The following NBEAL2 variants were observed in gnomAD, a reference collection of about 807,000 sequenced individuals.
The protein encoded by NBEAL2 is neurobeachin like 2, also known as neurobeachin-like protein 2.
Under a neutral mutation model 299.8 loss-of-function variants are expected in NBEAL2, and 160 were observed. The ratio of observed to expected loss-of-function variants is 0.53; its 90% CI spans 0.47 to 0.61. The LOEUF is 0.61. NBEAL2 is among the 20% of genes least tolerant of loss of function. NBEAL2 has a pLI of 0.00. For synonymous variants in NBEAL2, 1,493 were observed against 1,542.3 expected, an observed-to-expected ratio of 0.97 and a Z score of 0.75; for missense variants, 3,112 against 3,649.0, an observed-to-expected ratio of 0.85 and a Z score of 3.79.
In NBEAL2 at chr3:47,007,355, G is replaced by C. The variant is rs1177854166; in HGVS notation, c.7334+5G>C. 1 of 1,599,900 alleles carries C rather than the reference G, an allele frequency of 6.3e-7. No homozygotes were observed. The highest frequency in any genetic ancestry group is 8.5e-7 in the Non-Finnish European group (1 of 1,173,200). On this transcript the variant is annotated splice_donor_5th_base_variant and intron_variant, in intron 47 of 53. Transcript: ENST00000450053. Reference sequence around the variant, plus strand: ...CCCCACCATGGGCAGCCACAAGTAGGACAGAGGGCTGTGGGTGGGGTGGGC... The same window carrying C: ...CCCCACCATGGGCAGCCACAAGTAGCACAGAGGGCTGTGGGTGGGGTGGGC...
Position 47,001,582 on chromosome 3 carries a change from G to A in NBEAL2, c.4645-107G>A, listed in dbSNP as rs1210424976. ...TGCCTGTGAGTGTGGACTTGCCTGT[G>A]TGCACAAACCCTACCTGGCCCCCAG... On this transcript the variant is annotated intron_variant, in intron 29 of 53. Coordinates refer to ENST00000450053, the MANE Select transcript of NBEAL2 (RefSeq NM_015175.3). The surrounding 1 kb of genome is among the most constrained non-coding windows in gnomAD (Gnocchi z 6.1). 1.3e-6 allele frequency: 2 copies of A among 1,570,452 alleles called. No individual in the cohort carries two copies. The highest frequency in any genetic ancestry group is 1.7e-6 in the Non-Finnish European group (2 of 1,156,720).
At chr3:46,996,627 G>A in intron 16 of NBEAL2, 35 bp downstream of exon 16, 2 of 1,456,914 alleles carry the variant, frequency 1.4e-6, no homozygotes, top group Middle Eastern at 3.6e-4. Flanking sequence ...CACAGCCCCA[G>A]GCCAGAAGCT....
chr3:46,984,748 C>T (rs2035578975), intron 1 of NBEAL2, among the ~76,000 whole-genome samples: 1 of 152,114 alleles, frequency 6.6e-6, no homozygotes, highest in African/African-American at 2.4e-5. Context: ...TTGAGCTGTG[C>T]TCTTCTCTCC....
At position 47,003,054 on chromosome 3, in the gene NBEAL2, G is replaced by A. The variant is rs2037151662; in HGVS notation, c.5557G>A (p.Glu1853Lys). 6.2e-7 allele frequency: 1 copy of A among 1,612,700 alleles called. No individual in the cohort carries two copies. Among genetic ancestry groups the A allele is most frequent in the Non-Finnish European group, 8.5e-7 (1 of 1,179,434 alleles). ...CAACCATCACTTCGACCCTCACCTGGAAGCCAGCGCTCTCCGAGACAATCT... is the reference window on the plus strand; with the variant it reads ...CAACCATCACTTCGACCCTCACCTGAAAGCCAGCGCTCTCCGAGACAATCT... ...VPNHHFDPHL[E>K]ASALRDNLGE... The change falls in exon 34 of 54, where the codon GAA becomes AAA. Residue 1853 changes from glutamate (E) to lysine (K), a missense_variant. Around this residue, in one of 3 missense-constraint regions of NBEAL2, gnomAD observed 2,243 missense variants for 2,538.1 expected, o/e 0.88. Transcript: ENST00000450053. The surrounding 1 kb of genome is among the most constrained non-coding windows in gnomAD (Gnocchi z 7.0).
chr3:47,002,810 G>C lies in NBEAL2; in HGVS notation c.5459+8G>C, dbSNP rs747932446. On this transcript the variant is annotated splice_region_variant and intron_variant, in intron 33 of 53. Transcript: ENST00000450053. ...TGGGGCCTGGGCGCTGAGGTGGGCCGGGCTTGGGGCAGGGTCGCTGTGGAG... is the reference window on the plus strand; with the variant it reads ...TGGGGCCTGGGCGCTGAGGTGGGCCCGGCTTGGGGCAGGGTCGCTGTGGAG... The C allele has an allele frequency of 4.5e-6, 7 of 1,554,058 alleles. No homozygotes were observed. The African/African-American group carries it at 8.1e-5, about 18-fold the overall frequency.
intron 1 of NBEAL2, among the ~76,000 whole-genome samples, chr3:46,980,928 G>A (rs1360233427): frequency 1.3e-5 from 2 of 152,204 alleles, no homozygotes; most frequent in African/African-American, 4.8e-5. Flanking sequence ...CAGTTTGTCA[G>A]TGGGGGGAAT....
rs11720139 is a variant in NBEAL2, at chr3:46,995,266, C to A, written c.1531C>A (p.Arg511Ser). The change falls in exon 13 of 54, where the codon CGC becomes AGC. Residue 511 changes from arginine (R) to serine (S), a missense_variant. By Grantham distance (110) the Arg-to-Ser change is moderately radical (BLOSUM62 -1). Transcript: ENST00000450053. Reference sequence around the variant, plus strand: ...CAGCACAGGGCTAGCCCTGGAGGCCCGCTGCCAAGAGCAGCTGCTGGCACT... The same window carrying A: ...CAGCACAGGGCTAGCCCTGGAGGCCAGCTGCCAAGAGCAGCTGCTGGCACT... ...TLSTGLALEA[R>S]CQEQLLALLQ... 9 of 1,559,614 alleles carry A rather than the reference C, an allele frequency of 5.8e-6. No individual in the cohort carries two copies. In the Admixed American group the frequency reaches 1.2e-4, roughly 20 times the overall value.
At position 46,995,571 on chromosome 3, in the gene NBEAL2, C is replaced by A; in HGVS notation, c.1836C>A (p.His612Gln). 4 of 1,612,820 alleles carry A rather than the reference C, an allele frequency of 2.5e-6. No individual in the cohort carries two copies. Among genetic ancestry groups the A allele is most frequent in the Non-Finnish European group, 3.4e-6 (4 of 1,179,872 alleles). The change falls in exon 13 of 54, where the codon CAC becomes CAA. Residue 612 changes from histidine to glutamine, a missense_variant. Physicochemically the swap from His to Gln is conservative, Grantham distance 24. This residue lies in a region of NBEAL2 where 2,243 missense variants were observed against 2,538.1 expected (regional missense o/e 0.88). Transcript: ENST00000450053. Reference sequence around the variant, plus strand: ...CCTTTCATGCCTGGCTCTGTCTGCACCCTATGGATACAGCACCTACCCCTG... The same window carrying A: ...CCTTTCATGCCTGGCTCTGTCTGCAACCTATGGATACAGCACCTACCCCTG... ...GFTFHAWLCL[H>Q]PMDTAPTPAP...
chr3:46,999,499 G>A, intron 25 of NBEAL2, 25 bp downstream of exon 25: 1 of 1,581,490 alleles, frequency 6.3e-7, no homozygotes, highest in Admixed American at 1.8e-5. Context: ...AGGCCAAGTG[G>A]AGGGGGTGAC....
At position 46,995,552 on chromosome 3, in the gene NBEAL2, A is replaced by G; in HGVS notation, c.1817A>G (p.His606Arg). 6.2e-7 allele frequency: 1 copy of G among 1,612,724 alleles called. No individual in the cohort carries two copies. Among genetic ancestry groups the G allele is most frequent in the Non-Finnish European group, 8.5e-7 (1 of 1,179,842 alleles). ...QRWPGPGFTF[H>R]AWLCLHPMDT... The stretch of plus-strand genomic sequence containing the variant: ...TGGCCAGGGCCTGGCTTCACCTTTC[A>G]TGCCTGGCTCTGTCTGCACCCTATG... The change falls in exon 13 of 54, where the codon CAT (histidine) becomes CGT (arginine). Residue 606 changes from histidine (H) to arginine (R), a missense_variant. Physicochemically the swap from His to Arg is conservative, Grantham distance 29 (BLOSUM62 0). Around this residue, in one of 3 missense-constraint regions of NBEAL2, gnomAD observed 2,243 missense variants for 2,538.1 expected, o/e 0.88. Coordinates refer to ENST00000450053, the MANE Select transcript of NBEAL2 (RefSeq NM_015175.3).
rs2036898692 is a variant in NBEAL2 at position 47,000,526 on chromosome 3, G to A, written c.4305+122G>A. The stretch of plus-strand genomic sequence containing the variant: ...TGTCTGACCAGGGTTGCAGCCACTG[G>A]TCAGGCCTATTGCTGTCCCCTCATA... On this transcript the variant is annotated intron_variant, in intron 27 of 53. Coordinates refer to ENST00000450053, the MANE Select transcript of NBEAL2 (RefSeq NM_015175.3). This position sits in a 1 kb window ranked among gnomAD's most constrained non-coding sequence, Gnocchi z 4.5. 2 of 1,287,302 alleles carry A rather than the reference G, an allele frequency of 1.6e-6. No homozygotes were observed. Among genetic ancestry groups the A allele is most frequent in the South Asian group, 3.0e-5 (2 of 66,870 alleles). 79.7% of individuals were successfully genotyped at this position (1,287,302 alleles called of 1,614,324 possible). A position where few individuals can be genotyped will look rare whatever the true frequency, so the allele number is the denominator to read the frequency against.
At chr3:46,987,885 C>T (rs1172448832) in intron 1 of NBEAL2, 2 of 570,148 alleles carry the variant, frequency 3.5e-6, no homozygotes, top group South Asian at 7.7e-5. Context: ...GTGCCCCGGC[C>T]CCCCCACATC....
At chr3:46,994,375 C>T (rs987428570) in intron 11 of NBEAL2, 80 bp from the exon 12 acceptor site, 2 of 1,316,332 alleles carry the variant, frequency 1.5e-6, no homozygotes. Context: ...ACATGATGCC[C>T]CTCCAGAGTT....
In NBEAL2 at chr3:47,002,540, G is replaced by A. The variant is rs1293533650; in HGVS notation, c.5301+20G>A. The A allele has an allele frequency of 6.2e-7, 1 of 1,611,564 alleles. No individual in the cohort carries two copies. The highest frequency in any genetic ancestry group is 1.7e-5 in the Admixed American group (1 of 59,894). ...TTCCAGGTGTGCCACCCGGGGTAAG[G>A]GATGGGAAACTGCTCCACACATGCA... On this transcript the variant is annotated intron_variant, in intron 32 of 53. Transcript: ENST00000450053.
intron 20 of NBEAL2, 113 bp downstream of exon 20, chr3:46,997,807 C>T: frequency 1.5e-6 from 2 of 1,373,716 alleles, no homozygotes; most frequent in Non-Finnish European, 1.9e-6. Context: ...AGAGTTGCCA[C>T]TTGAGTGGGG....
intron 45 of NBEAL2, among the ~76,000 whole-genome samples, chr3:47,006,734 T>C (rs1427868064): frequency 6.6e-6 from 1 of 152,148 alleles, no homozygotes; most frequent in Admixed American, 6.5e-5. Context: ...GGAACATTCC[T>C]GAATGTTGCC....
chr3:46,989,492 T>C lies in NBEAL2; in HGVS notation c.474-19T>C. On this transcript the variant is annotated intron_variant, in intron 5 of 53. Transcript: ENST00000450053. The surrounding 1 kb of genome is among the most constrained non-coding windows in gnomAD (Gnocchi z 5.5). ...AGTGGTGAGAGCCGGGCTGATGTACTTGGCCTCACTGCCCCCAGGGAAGTC... is the reference window on the plus strand; with the variant it reads ...AGTGGTGAGAGCCGGGCTGATGTACCTGGCCTCACTGCCCCCAGGGAAGTC... 1 of 1,580,640 alleles carries C rather than the reference T, an allele frequency of 6.3e-7. No individual in the cohort carries two copies. Among genetic ancestry groups the C allele is most frequent in the African/African-American group, 1.4e-5 (1 of 73,994 alleles).
In NBEAL2 at chr3:46,996,359, T is replaced by G. The variant is rs2036498467; in HGVS notation, c.2240T>G (p.Leu747Arg). ...CCCACACCACCAGTCCCCGCCACCC[T>G]GGCCTACACTCACCCCGCCCTCACC... ...GLPTPPVPAT[L>R]AYTHPALTRS... is the part of the protein sequence containing the mutation. The change falls in exon 16 of 54, where the codon CTG (leucine) becomes CGG (arginine). Residue 747 changes from leucine to arginine, a missense_variant. Leu to Arg is a moderately radical substitution (Grantham distance 102). Transcript: ENST00000450053. The G allele has an allele frequency of 6.2e-7, 1 of 1,612,298 alleles. No homozygotes were observed. The highest frequency in any genetic ancestry group is 8.5e-7 in the Non-Finnish European group (1 of 1,179,800).
In NBEAL2 at chr3:47,000,128, T is replaced by C. The variant is rs369906164; in HGVS notation, c.4029T>C (p.Asp1343=). The C allele has an allele frequency of 1.2e-3, 2,002 of 1,613,686 alleles. 3 individuals carry two copies. The highest frequency in any genetic ancestry group is 1.6e-3 in the Non-Finnish European group (1,849 of 1,179,850). Residue 1343 remains aspartate, a synonymous_variant, in exon 27 of 54, where the codon GAT becomes GAC. Transcript: ENST00000450053. This position sits in a 1 kb window ranked among gnomAD's most constrained non-coding sequence, Gnocchi z 4.5. ...LPSEAPCPDP[D]GFYHALSPFC... is the part of the protein sequence containing the mutation. Reference sequence around the variant, plus strand: ...CAGAGGCCCCCTGCCCTGACCCTGATGGCTTTTACCATGCTCTCTCCCCAT... The same window carrying C: ...CAGAGGCCCCCTGCCCTGACCCTGACGGCTTTTACCATGCTCTCTCCCCAT...
Sources: gnomAD v4.1 joint callset for allele counts (sites outside exome capture counted in the v4.1 genomes callset) on GRCh38, gnomAD v4.1.1 for gene constraint, gnomAD v4.1.1 regional missense constraint, Gnocchi (gnomAD v3.1) non-coding constraint, MANE v1.5 for transcripts, NCBI Gene and HGNC (gene_info 2026-07-23, HGNC 2026-07-21) for gene names.